Variants in TMEM135 observed in about 807,000 individuals in gnomAD.
TMEM135 encodes the protein transmembrane protein 135, also known as peroxisomal membrane protein 52.
Under a neutral mutation model 60.3 loss-of-function variants are expected in TMEM135, and 30 were observed. The observed-to-expected ratio is 0.50, with a 90% confidence interval of 0.37 to 0.68. TMEM135 has a LOEUF of 0.68. TMEM135 is among the 30% of genes least tolerant of loss of function. The probability of loss-of-function intolerance (pLI) is 0.00; values close to 1 mark genes in which losing one functional copy is unlikely to be tolerated. For synonymous variants in TMEM135, 190 were observed against 186.7 expected (o/e 1.02, Z -0.14); for missense variants, 468 against 548.8 (o/e 0.85, Z 1.47).
chr11:87,301,367 C>T (rs985753055), intron 7 of TMEM135, among the ~76,000 whole-genome samples: 19 of 152,062 alleles, frequency 1.2e-4, no homozygotes, highest in African/African-American at 4.6e-4. Context: ...AATCCTCCCA[C>T]GTCAGCCTCC....
At chr11:87,119,885 TAA>T (rs1230664977) in intron 4 of TMEM135, among the ~76,000 whole-genome samples, 2 of 149,010 alleles carry the variant, frequency 1.3e-5, no homozygotes, top group African/African-American at 2.5e-5. Flanking sequence ...TTTACTTTTT[TAA>T]AAAAAAAAAA....
intron 6 of TMEM135, among the ~76,000 whole-genome samples, chr11:87,267,791 C>CG (rs1941779502): frequency 6.6e-6 from 1 of 152,110 alleles, no homozygotes; most frequent in Non-Finnish European, 1.5e-5. Flanking sequence ...CTCCCGGGTT[C>CG]AAGTGATTCT....
At chr11:87,247,988 A>G (rs4944680) in intron 6 of TMEM135, among the ~76,000 whole-genome samples, 99,010 of 150,300 alleles carry the variant, frequency 0.66, 33,246 homozygotes, top group Non-Finnish European at 0.71. Context: ...GTTCCTATTC[A>G]GCCATCTTGG....
intron 3 of TMEM135, among the ~76,000 whole-genome samples, chr11:87,086,161 G>C (rs1857091186): frequency 6.6e-6 from 1 of 152,010 alleles, no homozygotes; most frequent in Admixed American, 6.5e-5. Flanking sequence ...TTTTCTGTAA[G>C]GATTTGTTCT....
intron 14 of TMEM135, among the ~76,000 whole-genome samples, 164 bp from the exon 15 acceptor site, chr11:87,321,037 C>T (rs1942810513): frequency 6.6e-6 from 1 of 152,056 alleles, no homozygotes; most frequent in Admixed American, 6.6e-5. Context: ...CAGTGTATCT[C>T]GAAGAAGAGC....
At chr11:87,127,982 T>C (rs1454282040) in intron 4 of TMEM135, among the ~76,000 whole-genome samples, 3 of 152,190 alleles carry the variant, frequency 2.0e-5, no homozygotes, top group African/African-American at 7.2e-5. Context: ...TTTGAACATC[T>C]CTTAAATTCA....
At chr11:87,238,575 G>C (rs1941058749) in intron 6 of TMEM135, among the ~76,000 whole-genome samples, 1 of 152,006 alleles carries the variant, frequency 6.6e-6, no homozygotes, top group African/African-American at 2.4e-5. Context: ...ATCTGCATAT[G>C]CAATACACTT....
At chr11:87,061,185 T>C (rs1192814938) in intron 1 of TMEM135, among the ~76,000 whole-genome samples, 1 of 152,222 alleles carries the variant, frequency 6.6e-6, no homozygotes, top group African/African-American at 2.4e-5. Context: ...GGAACTAACA[T>C]ATTCAAAATA....
chr11:87,241,137 T>A (rs1399571781), intron 6 of TMEM135, among the ~76,000 whole-genome samples: 1 of 151,954 alleles, frequency 6.6e-6, no homozygotes, highest in African/African-American at 2.4e-5. Context: ...AGTTTATCTA[T>A]TTAAGAAAAC....
chr11:87,195,317 CCTT>C (rs1939911930), intron 5 of TMEM135, among the ~76,000 whole-genome samples: 1 of 6,172 alleles, frequency 1.6e-4, no homozygotes, highest in Non-Finnish European at 4.5e-4. Context: ...CTTTCTCTTT[CCTT>C]CCTTCCTTCC....
chr11:87,299,077 A>G (rs1565162402), intron 7 of TMEM135, among the ~76,000 whole-genome samples: 1 of 152,148 alleles, frequency 6.6e-6, no homozygotes. Flanking sequence ...AATAAGAGCA[A>G]AAACTCCATC....
chr11:87,308,675 T>C lies in TMEM135; in HGVS notation c.769-830T>C, dbSNP rs1235316059. ...GAACTGTACAGAAAGTACTATTCTT[T>C]TTGTTAATGTTTTATGCTGATTGAA... On this transcript the variant is annotated intron_variant, in intron 9 of 14. Coordinates refer to ENST00000305494, the MANE Select transcript of TMEM135 (RefSeq NM_022918.4). 3.9e-5 allele frequency among the ~76,000 whole-genome samples: 6 copies of C among 152,162 alleles called. No homozygotes were observed. In the East Asian group the frequency reaches 1.2e-3, roughly 29 times the overall value.
At chr11:87,061,677 A>G (rs986580457) in intron 1 of TMEM135, among the ~76,000 whole-genome samples, 4 of 152,184 alleles carry the variant, frequency 2.6e-5, no homozygotes, top group Non-Finnish European at 4.4e-5. Flanking sequence ...TTTGAGGCCA[A>G]TTAGCTTTAT....
chr11:87,081,044 G>A (rs904198332), intron 3 of TMEM135, among the ~76,000 whole-genome samples: 1 of 151,632 alleles, frequency 6.6e-6, no homozygotes, highest in African/African-American at 2.4e-5. Flanking sequence ...AGTTTGCAGA[G>A]TGTATTTCTT....
chr11:87,185,338 T>C (rs1183124759), intron 5 of TMEM135, among the ~76,000 whole-genome samples: 1 of 152,144 alleles, frequency 6.6e-6, no homozygotes, highest in African/African-American at 2.4e-5. Flanking sequence ...AATTGGTTGG[T>C]TCCCCCCTCA....
chr11:87,255,600 T>C (rs566546592), intron 6 of TMEM135, among the ~76,000 whole-genome samples: 6 of 151,850 alleles, frequency 4.0e-5, no homozygotes, highest in South Asian at 4.2e-4. Context: ...ATTGTGCCTG[T>C]GAGTAGACAC....
Position 87,185,913 on chromosome 11 carries a change from C to CTTTTTTTTTTTTTT in TMEM135, c.462+28517_462+28518insTTTTTTTTTTTTTT, listed in dbSNP as rs367985910. 3.2e-3 allele frequency among the ~76,000 whole-genome samples: 447 copies of CTTTTTTTTTTTTTT among 138,614 alleles called. 13 individuals carry two copies. Among genetic ancestry groups the CTTTTTTTTTTTTTT allele is most frequent in the African/African-American group, 7.1e-3 (260 of 36,510 alleles). The allele number at this position is 138,614 out of a possible 152,430, so 90.9% of individuals were successfully genotyped here. A position where few individuals can be genotyped will look rare whatever the true frequency, so the allele number is the denominator to read the frequency against. On this transcript the variant is annotated intron_variant, in intron 5 of 14. Coordinates refer to ENST00000305494, the MANE Select transcript of TMEM135 (RefSeq NM_022918.4). ...GTTTCAATCTGTTGTAGTTATCCTT[C>CTTTTTTTTTTTTTT]TTTTTTTTTTGTGAGACAGAGGTTC...
chr11:87,089,939 G>A (rs184994684), intron 3 of TMEM135, among the ~76,000 whole-genome samples: 4 of 152,074 alleles, frequency 2.6e-5, no homozygotes, highest in Admixed American at 2.0e-4. Context: ...TAACTTTTCA[G>A]TTCAGGAGTA....
At chr11:87,193,938 T>G (rs1169254521) in intron 5 of TMEM135, among the ~76,000 whole-genome samples, 1 of 151,894 alleles carries the variant, frequency 6.6e-6, no homozygotes, top group Non-Finnish European at 1.5e-5. Flanking sequence ...TGATAAAGAA[T>G]TTTTGTGGTA....
Sources: gnomAD v4.1 joint callset for allele counts (sites outside exome capture counted in the v4.1 genomes callset) on GRCh38, gnomAD v4.1.1 for gene constraint, MANE v1.5 for transcripts, NCBI Gene and HGNC (gene_info 2026-07-23, HGNC 2026-07-21) for gene names.